SLC25A15: variants seen among roughly 807,000 people sequenced by gnomAD.
SLC25A15 encodes the protein mitochondrial ornithine transporter 1.
Under a neutral mutation model 32.3 loss-of-function variants are expected in SLC25A15, and 24 were observed. The observed-to-expected ratio is 0.74, with a 90% CI of 0.54 to 1.04. SLC25A15 has a LOEUF of 1.04. SLC25A15 is among the 50% of genes least tolerant of loss of function. The pLI, the probability that SLC25A15 is intolerant of heterozygous loss-of-function variation, is 0.00. For synonymous variants in SLC25A15, 132 were observed against 142.1 expected, an observed-to-expected ratio of 0.93 and a Z score of 0.51; for missense variants, 317 against 374.5, an observed-to-expected ratio of 0.85 and a Z score of 1.27.
Position 40,807,426 on chromosome 13 carries a change from G to T in SLC25A15, c.585G>T (p.Arg195=). The T allele has an allele frequency of 6.2e-7, 1 of 1,614,128 alleles. No homozygotes were observed. Among genetic ancestry groups the T allele is most frequent in the Non-Finnish European group, 8.5e-7 (1 of 1,180,016 alleles). The part of the protein sequence containing the change: ...FFFFGGYELS[R]SFFASGRSKD... Reference sequence around the variant, plus strand: ...TCTTCGGTGGCTATGAACTGAGCCGGTCCTTTTTTGCATCAGGGAGATCAA... The same window carrying T: ...TCTTCGGTGGCTATGAACTGAGCCGTTCCTTTTTTGCATCAGGGAGATCAA... Residue 195 remains arginine (R), a synonymous_variant, in exon 5 of 7, where the codon CGG becomes CGT. Transcript: ENST00000338625.
At chr13:40,804,104 A>C (rs149333867) in intron 3 of SLC25A15, among the ~76,000 whole-genome samples, 225 of 152,294 alleles carry the variant, frequency 1.5e-3, no homozygotes, top group African/African-American at 4.2e-3. Context: ...GTCTAATATC[A>C]AGGTTCCAGC....
intron 1 of SLC25A15, among the ~76,000 whole-genome samples, chr13:40,790,662 A>C (rs193023362): frequency 9.9e-4 from 150 of 152,280 alleles, no homozygotes; most frequent in African/African-American, 3.4e-3. Flanking sequence ...ATCTCGGCTC[A>C]CCGCAACCTC....
chr13:40,806,552 T>G (rs893719892), intron 4 of SLC25A15, among the ~76,000 whole-genome samples: 2 of 152,212 alleles, frequency 1.3e-5, no homozygotes. Flanking sequence ...AAGGGCTGGC[T>G]GATGGGGAAT....
intron 1 of SLC25A15, among the ~76,000 whole-genome samples, chr13:40,790,807 G>A (rs373411789): frequency 6.6e-6 from 1 of 152,186 alleles, no homozygotes; most frequent in East Asian, 1.9e-4. Context: ...GGCTGGTCTC[G>A]AACTCCCGAC....
chr13:40,806,002 G>T (rs1334897024), intron 4 of SLC25A15, among the ~76,000 whole-genome samples: 1 of 152,146 alleles, frequency 6.6e-6, no homozygotes, highest in Non-Finnish European at 1.5e-5. Flanking sequence ...CTATAAATCT[G>T]CTGGGAAAAA....
Position 40,808,516 on chromosome 13 carries a change from A to T in SLC25A15, c.701A>T (p.Lys234Ile), listed in dbSNP as rs780409673. 13 of 1,613,192 alleles carry T rather than the reference A, an allele frequency of 8.1e-6. No homozygotes were observed. Among genetic ancestry groups the T allele is most frequent in the Non-Finnish European group, 1.1e-5 (13 of 1,179,972 alleles). Residue 234 changes from lysine to isoleucine, a missense_variant, in exon 6 of 7, where the codon AAA becomes ATA. Coordinates refer to ENST00000338625, the MANE Select transcript of SLC25A15 (RefSeq NM_014252.4). ...GCGGTATACCCAGTGGATTGTATCA[A>T]ATCCAGAATTCAAGTTCTTTCCATG... ...WLAVYPVDCI[K>I]SRIQVLSMSG...
At position 40,799,712 on chromosome 13, in the gene SLC25A15, CAGG is replaced by C. The variant is rs564517881; in HGVS notation, c.314+400_314+402del. ...ACCGCCCTTCTGTTTCAGTTTTCTC[CAGG>C]AGAATGCTGTTCAGATGCAGCTGGC... On this transcript the variant is annotated intron_variant, in intron 3 of 6. Transcript: ENST00000338625. 4.0e-3 allele frequency among the ~76,000 whole-genome samples: 608 copies of C among 152,274 alleles called. 2 individuals carry two copies. The highest frequency in any genetic ancestry group is 5.8e-3 in the Non-Finnish European group (397 of 68,016).
chr13:40,805,065 G>A, intron 3 of SLC25A15, 53 bp from the exon 4 acceptor site: 9 of 1,611,346 alleles, frequency 5.6e-6, no homozygotes, highest in Non-Finnish European at 6.8e-6. Context: ...TGTGTGGTGA[G>A]TGCCAAAGGA....
At chr13:40,797,750 C>G (rs969994119) in intron 2 of SLC25A15, among the ~76,000 whole-genome samples, 1 of 152,170 alleles carries the variant, frequency 6.6e-6, no homozygotes, top group Non-Finnish European at 1.5e-5. Flanking sequence ...ACTCCACTTT[C>G]CAGAGTTTAG....
chr13:40,800,881 G>T (rs17061578), intron 3 of SLC25A15, among the ~76,000 whole-genome samples: 1 of 152,146 alleles, frequency 6.6e-6, no homozygotes, highest in African/African-American at 2.4e-5. Flanking sequence ...TGTCTCTCTC[G>T]TGAAGAATCA....
chr13:40,806,837 T>A (rs972927079), intron 4 of SLC25A15, among the ~76,000 whole-genome samples: 3 of 152,200 alleles, frequency 2.0e-5, no homozygotes, highest in African/African-American at 7.2e-5. Flanking sequence ...CAGGGCTGCT[T>A]AGAAGAAATT....
intron 2 of SLC25A15, among the ~76,000 whole-genome samples, chr13:40,794,265 C>T (rs1330118616): frequency 1.3e-5 from 2 of 151,290 alleles, no homozygotes; most frequent in African/African-American, 2.4e-5. Context: ...GCTTGAACCC[C>T]GGAGGCGGAG....
intron 3 of SLC25A15, among the ~76,000 whole-genome samples, chr13:40,803,310 G>A (rs1881975220): frequency 6.6e-6 from 1 of 151,954 alleles, no homozygotes; most frequent in African/African-American, 2.4e-5. Context: ...TGCCTCCCTG[G>A]TTCAAGCGCT....
At chr13:40,798,994 C>T in intron 2 of SLC25A15, 63 bp from the exon 3 acceptor site, 1 of 1,613,784 alleles carries the variant, frequency 6.2e-7, no homozygotes, top group South Asian at 1.1e-5. Context: ...CTGCCTGTGC[C>T]TTCCTTCCAT....
At chr13:40,805,064 A>G in intron 3 of SLC25A15, 54 bp from the exon 4 acceptor site, 1 of 1,610,682 alleles carries the variant, frequency 6.2e-7, no homozygotes, top group Non-Finnish European at 8.5e-7. Context: ...CTGTGTGGTG[A>G]GTGCCAAAGG....
intron 6 of SLC25A15, 88 bp downstream of exon 6, chr13:40,808,684 A>C (rs1462151915): frequency 8.3e-7 from 1 of 1,200,540 alleles, no homozygotes; most frequent in Non-Finnish European, 1.2e-6. Context: ...CTGTGATCCC[A>C]GCACTTTGGG....
chr13:40,807,498 A>C (rs766476051), intron 5 of SLC25A15, 35 bp downstream of exon 5: 1 of 1,608,532 alleles, frequency 6.2e-7, no homozygotes, highest in African/African-American at 1.3e-5. Context: ...GTGGGGTGTG[A>C]TGGTGTTTGC....
chr13:40,802,368 G>C (rs1229422388), intron 3 of SLC25A15: 2 of 152,288 alleles, frequency 1.3e-5, no homozygotes, highest in African/African-American at 4.8e-5. Flanking sequence ...AACATCAAAA[G>C]GAAGTCCTTA....
At chr13:40,793,057 G>A in intron 1 of SLC25A15, 101 bp from the exon 2 acceptor site, 1 of 704,640 alleles carries the variant, frequency 1.4e-6, no homozygotes, top group South Asian at 1.5e-5. Flanking sequence ...GTGGACCCCA[G>A]GTCATGGCTC....
Sources: allele counts gnomAD v4.1 joint callset (sites outside exome capture counted in the v4.1 genomes callset), GRCh38; gene constraint gnomAD v4.1.1; transcripts MANE v1.5; gene names NCBI Gene and HGNC (gene_info 2026-07-23, HGNC 2026-07-21).